Variants in ARRDC3 observed in about 807,000 individuals in gnomAD.
The protein encoded by ARRDC3 is arrestin domain-containing protein 3.
Under a neutral mutation model 47.2 loss-of-function variants are expected in ARRDC3, and 10 were observed. The observed-to-expected ratio is 0.21, with a 90% CI of 0.13 to 0.36. The LOEUF (loss-of-function observed/expected upper bound fraction) is 0.36. Ranked by LOEUF, ARRDC3 falls within the 10% of genes least tolerant of loss-of-function variation. ARRDC3 has a pLI of 1.00. For synonymous variants in ARRDC3, 156 were observed against 178.3 expected (o/e 0.87, Z 1.00); for missense variants, 381 against 503.6 (o/e 0.76, Z 2.33).
At chr5:91,380,625 G>A (rs973486773) in intron 1 of ARRDC3, 4 of 152,260 alleles carry the variant, frequency 2.6e-5, no homozygotes, top group African/African-American at 4.8e-5. Context: ...CGGGGAACAA[G>A]CTTTGTTTCA....
chr5:91,374,143 A>G lies in ARRDC3; in HGVS notation c.1004T>C (p.Leu335Pro), dbSNP rs1268821573. 6.2e-7 allele frequency: 1 copy of G among 1,613,828 alleles called. No homozygotes were observed. The highest frequency in any genetic ancestry group is 2.2e-5 in the East Asian group (1 of 44,856). ...AGGTCTTTCAGGAAGTGATAAACTG[A>G]GCCAGTTCATATTCATGCTACACTG... ...SSQCSMNMNW[L>P]SLSLPERPEA... Residue 335 changes from leucine to proline, a missense_variant, in exon 6 of 8, where the codon CTC becomes CCC. By Grantham distance (98) the Leu-to-Pro change is moderately conservative. Transcript: ENST00000265138.
chr5:91,375,611 T>C lies in ARRDC3; in HGVS notation c.513A>G (p.Ser171=). The C allele has an allele frequency of 6.2e-7, 1 of 1,603,132 alleles. No homozygotes were observed. Reference sequence around the variant, plus strand: ...TCTTTTCTTTTGTGCCTGCTTGGGGTGACTGTAAGAAAAAAATTAAGAGAA... The same window carrying C: ...TCTTTTCTTTTGTGCCTGCTTGGGGCGACTGTAAGAAAAAAATTAAGAGAA... ...HIDINTPSLL[S]PQAGTKEKTL... Residue 171 remains serine, a splice_region_variant and synonymous_variant, in exon 4 of 8, where the codon TCA becomes TCG. Transcript: ENST00000265138.
In ARRDC3 at chr5:91,371,456, T is replaced by C. The variant is rs763354083; in HGVS notation, c.1189A>G (p.Ile397Val). 1.6e-5 allele frequency: 26 copies of C among 1,612,538 alleles called. No homozygotes were observed. Among genetic ancestry groups the C allele is most frequent in the Middle Eastern group, 3.3e-4 (2 of 6,080 alleles). The change falls in exon 8 of 8, where the codon ATT (isoleucine) becomes GTT (valine). Residue 397 changes from isoleucine to valine, a missense_variant and splice_region_variant. Physicochemically the swap from Ile to Val is conservative, Grantham distance 29. Coordinates refer to ENST00000265138, the MANE Select transcript of ARRDC3 (RefSeq NM_020801.4). ...RFLPPPLYSE[I>V]DPNPDQSADD... is the part of the protein sequence containing the mutation. ...GCTGACTGATCAGGATTTGGATCAA[T>C]CTAGAAAGAAATGAGAAAAAAAGTT... is the stretch of plus-strand genomic sequence containing the variant.
intron 1 of ARRDC3, among the ~76,000 whole-genome samples, chr5:91,379,367 TA>T (rs1281154190): frequency 6.8e-6 from 1 of 148,066 alleles, no homozygotes; most frequent in East Asian, 2.0e-4. Flanking sequence ...TTTATTGAAC[TA>T]AAAATAATTA....
At position 91,368,992 on chromosome 5, in the gene ARRDC3, A is replaced by C. The variant is rs960164934; in HGVS notation, c.*2408T>G. ...TCAGGAATCTATCTTGAATACTGGA[A>C]TACAACTGTGAACCTCACATCTTAT... On this transcript the variant is annotated 3_prime_UTR_variant, in exon 8 of 8. Coordinates refer to ENST00000265138, the MANE Select transcript of ARRDC3 (RefSeq NM_020801.4). 1 of 152,660 alleles carries C rather than the reference A, an allele frequency of 6.6e-6. No homozygotes were observed. The highest frequency in any genetic ancestry group is 1.5e-5 in the Non-Finnish European group (1 of 68,030). The allele number at this position is 152,660 out of a possible 1,614,324, so 9.5% of individuals were successfully genotyped here.
intron 6 of ARRDC3, 85 bp from the exon 7 acceptor site, chr5:91,373,923 G>A (rs1350352667): frequency 1.5e-5 from 23 of 1,547,782 alleles, no homozygotes; most frequent in Admixed American, 3.6e-5. Flanking sequence ...AAAAAGCAAC[G>A]TCAAGGTAAA....
chr5:91,382,784 C>T (rs1799480225), intron 1 of ARRDC3, 29 bp downstream of exon 1: 1 of 1,590,514 alleles, frequency 6.3e-7, no homozygotes, highest in African/African-American at 1.4e-5. Flanking sequence ...GAAAATGAGT[C>T]CAATGACTTA....
At chr5:91,374,848 T>C in intron 5 of ARRDC3, 74 bp downstream of exon 5, 6 of 1,476,076 alleles carry the variant, frequency 4.1e-6, no homozygotes, top group South Asian at 3.7e-5. Flanking sequence ...ACTGTGCCAC[T>C]GCATTCCAGC....
At chr5:91,380,132 C>A in intron 1 of ARRDC3, 1 of 152,948 alleles carries the variant, frequency 6.5e-6, no homozygotes, top group South Asian at 1.8e-4. Flanking sequence ...AAACAAGTGC[C>A]GGGCTGTCAA....
At chr5:91,378,344 A>AG (rs1799353441) in intron 2 of ARRDC3, among the ~76,000 whole-genome samples, 1 of 152,120 alleles carries the variant, frequency 6.6e-6, no homozygotes, top group Non-Finnish European at 1.5e-5. Flanking sequence ...AAGACTTGAT[A>AG]GGGTCTATCT....
rs746364925 is a variant in ARRDC3, at chr5:91,374,983, A to C, written c.809T>G (p.Ile270Ser). The C allele has an allele frequency of 6.2e-7, 1 of 1,614,206 alleles. No individual in the cohort carries two copies. Residue 270 changes from isoleucine to serine, a missense_variant, in exon 5 of 8, where the codon ATT (isoleucine) becomes AGT (serine). Coordinates refer to ENST00000265138, the MANE Select transcript of ARRDC3 (RefSeq NM_020801.4). ...GAGGATAGAGGGAGAAACTGGTGGAATTTTCAGCAACTTGCCATTCCACGT... is the reference window on the plus strand; with the variant it reads ...GAGGATAGAGGGAGAAACTGGTGGACTTTTCAGCAACTTGCCATTCCACGT... ...TETWNGKLLK[I>S]PPVSPSILDC...
At chr5:91,379,489 T>C (rs1349745504) in intron 1 of ARRDC3, among the ~76,000 whole-genome samples, 1 of 150,870 alleles carries the variant, frequency 6.6e-6, no homozygotes. Flanking sequence ...GGTGTCGGCT[T>C]ATAAGGAAAC....
In ARRDC3 at chr5:91,375,603, G is replaced by C. The variant is rs1415704471; in HGVS notation, c.521C>G (p.Ala174Gly). Reference sequence around the variant, plus strand: ...ACAGAGTGTCTTTTCTTTTGTGCCTGCTTGGGGTGACTGTAAGAAAAAAAT... The same window carrying C: ...ACAGAGTGTCTTTTCTTTTGTGCCTCCTTGGGGTGACTGTAAGAAAAAAAT... ...INTPSLLSPQ[A>G]GTKEKTLCCW... The change falls in exon 4 of 8, where the codon GCA (alanine) becomes GGA (glycine). Residue 174 changes from alanine to glycine, a missense_variant. Physicochemically the swap from Ala to Gly is moderately conservative, Grantham distance 60 (BLOSUM62 0). Transcript: ENST00000265138. 2 of 1,606,256 alleles carry C rather than the reference G, an allele frequency of 1.2e-6. No individual in the cohort carries two copies.
At position 91,373,670 on chromosome 5, in the gene ARRDC3, G is replaced by T. The variant is rs776850198; in HGVS notation, c.1188+14C>A. On this transcript the variant is annotated intron_variant, in intron 7 of 7. Transcript: ENST00000265138. ...ATAGCCAGTTCATTTCATACTTAAG[G>T]AGTAGGTACTTACCTCTGAATAAAG... The T allele has an allele frequency of 6.2e-7, 1 of 1,603,944 alleles. No individual in the cohort carries two copies. Among genetic ancestry groups the T allele is most frequent in the South Asian group, 1.1e-5 (1 of 89,692 alleles).
chr5:91,383,101 C>G lies in ARRDC3; in HGVS notation c.-9G>C. 1.3e-6 allele frequency: 2 copies of G among 1,577,028 alleles called. No individual in the cohort carries two copies. Among genetic ancestry groups the G allele is most frequent in the Non-Finnish European group, 1.7e-6 (2 of 1,164,780 alleles). On this transcript the variant is annotated 5_prime_UTR_variant, in exon 1 of 8. Transcript: ENST00000265138. ...ACCTTTCCCAGCACCATGTTTATAACAAAATCTATAAAAATATAATGTAAG... is the reference window on the plus strand; with the variant it reads ...ACCTTTCCCAGCACCATGTTTATAAGAAAATCTATAAAAATATAATGTAAG...
intron 1 of ARRDC3, among the ~76,000 whole-genome samples, chr5:91,379,389 T>C (rs1334939410): frequency 6.6e-6 from 1 of 151,428 alleles, no homozygotes; most frequent in Non-Finnish European, 1.5e-5. Context: ...TTTATTGATC[T>C]AAAATGATCA....
intron 4 of ARRDC3, 40 bp downstream of exon 4, chr5:91,375,471 G>A: frequency 1.5e-6 from 2 of 1,378,920 alleles, no homozygotes; most frequent in Non-Finnish European, 2.0e-6. Flanking sequence ...CAAAAGCTAA[G>A]TGAAGAAAAG....
Position 91,383,177 on chromosome 5 carries a change from C to A in ARRDC3, c.-85G>T. The A allele has an allele frequency of 7.8e-7, 1 of 1,279,422 alleles. No homozygotes were observed. Among genetic ancestry groups the A allele is most frequent in the Admixed American group, 2.5e-5 (1 of 39,310 alleles). The allele number at this position is 1,279,422 out of a possible 1,614,324, so 79.3% of individuals were successfully genotyped here. On this transcript the variant is annotated 5_prime_UTR_variant, in exon 1 of 8. Coordinates refer to ENST00000265138, the MANE Select transcript of ARRDC3 (RefSeq NM_020801.4). ...AATGTGATCTTCACTTAACACTGATCGATATTTTTGCCGTGCAAAATGCTT... is the reference window on the plus strand; with the variant it reads ...AATGTGATCTTCACTTAACACTGATAGATATTTTTGCCGTGCAAAATGCTT...
rs944582524 is a variant in ARRDC3, at chr5:91,377,418, A to T, written c.363-650T>A. Among the ~76,000 whole-genome samples, 6 of 151,862 alleles carry T rather than the reference A, an allele frequency of 4.0e-5. No homozygotes were observed. In the South Asian group the frequency reaches 1.0e-3, roughly 26 times the overall value. On this transcript the variant is annotated intron_variant, in intron 2 of 7. Coordinates refer to ENST00000265138, the MANE Select transcript of ARRDC3 (RefSeq NM_020801.4). ...ATCTATGTCAAGAGAATAAAAAAAA[A>T]TTTTTTTTAACTCTGTCAGATTTTA...
Sources: allele counts gnomAD v4.1 joint callset (sites outside exome capture counted in the v4.1 genomes callset), GRCh38; gene constraint gnomAD v4.1.1; transcripts MANE v1.5; gene names NCBI Gene and HGNC (gene_info 2026-07-23, HGNC 2026-07-21).